The following SLAMF1 variants were observed in gnomAD, a reference collection of about 807,000 sequenced individuals.
SLAMF1 encodes the protein signaling lymphocytic activation molecule family member 1.
Under a neutral mutation model 35.1 loss-of-function variants are expected in SLAMF1, and 18 were observed. The observed-to-expected ratio is 0.51, with a 90% CI of 0.35 to 0.76. The LOEUF is 0.76. Ranked by LOEUF, SLAMF1 falls within the 30% of genes least tolerant of loss-of-function variation. The probability of loss-of-function intolerance (pLI) is 0.01; values close to 1 mark genes in which losing one functional copy is unlikely to be tolerated. For missense variants in SLAMF1, 392 were observed against 413.0 expected, an observed-to-expected ratio of 0.95 and a Z score of 0.44; for synonymous variants, 168 against 157.2, an observed-to-expected ratio of 1.07 and a Z score of -0.51.
intron 3 of SLAMF1, among the ~76,000 whole-genome samples, chr1:160,633,020 C>T (rs573286354): frequency 6.6e-6 from 1 of 152,236 alleles, no homozygotes; most frequent in African/African-American, 2.4e-5. Context: ...CATAGTAAAC[C>T]ATGATGACCC....
chr1:160,630,643 C>G (rs1350847268), intron 3 of SLAMF1, among the ~76,000 whole-genome samples: 4 of 152,072 alleles, frequency 2.6e-5, no homozygotes, highest in African/African-American at 9.7e-5. Flanking sequence ...TGGCTCGGGT[C>G]CCATCATTTT....
chr1:160,626,188 G>A (rs1415481055), intron 3 of SLAMF1, among the ~76,000 whole-genome samples: 2 of 151,988 alleles, frequency 1.3e-5, no homozygotes, highest in African/African-American at 4.8e-5. Flanking sequence ...AAAACCAACA[G>A]ACAAAGTAGT....
rs182288167 is a variant in SLAMF1 at position 160,617,981 on chromosome 1, G to A, written c.864+1795C>T. 6.6e-3 allele frequency among the ~76,000 whole-genome samples: 1,001 copies of A among 152,224 alleles called. 8 individuals are homozygous for A. Among genetic ancestry groups the A allele is most frequent in the Non-Finnish European group, 6.7e-3 (457 of 68,018 alleles). ...TCAGCTACTTGGAAGGCTGAGGCAG[G>A]AGAATCACTTGAACCCAGGAGGCGG... is the stretch of plus-strand genomic sequence containing the variant. On this transcript the variant is annotated intron_variant, in intron 5 of 6. Coordinates refer to ENST00000302035, the MANE Select transcript of SLAMF1 (RefSeq NM_003037.5).
intron 6 of SLAMF1, among the ~76,000 whole-genome samples, chr1:160,611,485 C>A (rs987985803): frequency 6.6e-6 from 1 of 152,140 alleles, no homozygotes; most frequent in Admixed American, 6.5e-5. Context: ...AGGGCACCTG[C>A]CCAGGCATTT....
chr1:160,623,399 A>G, intron 4 of SLAMF1: 1 of 396,350 alleles, frequency 2.5e-6, no homozygotes, highest in Non-Finnish European at 4.5e-6. Context: ...CAGAGTGCTG[A>G]GGTAAGGGCT....
In SLAMF1 at chr1:160,634,634, C is replaced by T. The variant is rs772674335; in HGVS notation, c.679G>A (p.Gly227Arg). The change falls in exon 3 of 7, where the codon GGA becomes AGA. Residue 227 changes from glycine (G) to arginine (R), a missense_variant. Gly to Arg is a moderately radical substitution (Grantham distance 125, BLOSUM62 -2). Coordinates refer to ENST00000302035, the MANE Select transcript of SLAMF1 (RefSeq NM_003037.5). The part of the protein sequence containing the change: ...NNSQTFSPWP[G>R]CRTDPSETKP... Reference sequence around the variant, plus strand: ...TCACCTGAGGGGTCTGTCCTGCATCCGGGCCACGGGCTGAAGGTCTGGGAA... The same window carrying T: ...TCACCTGAGGGGTCTGTCCTGCATCTGGGCCACGGGCTGAAGGTCTGGGAA... The T allele has an allele frequency of 1.5e-5, 24 of 1,610,146 alleles. 1 individual carries two copies. Among genetic ancestry groups the T allele is most frequent in the Admixed American group, 3.3e-5 (2 of 59,886 alleles).
chr1:160,623,500 T>C, intron 4 of SLAMF1: 1 of 398,736 alleles, frequency 2.5e-6, no homozygotes, highest in East Asian at 3.6e-5. Context: ...GTTCTATCCT[T>C]ACCATGGGAA....
intron 1 of SLAMF1, among the ~76,000 whole-genome samples, chr1:160,646,399 A>AG (rs1247024591): frequency 1.3e-5 from 2 of 152,172 alleles, no homozygotes; most frequent in Non-Finnish European, 2.9e-5. Context: ...CACTCTAGCC[A>AG]ATGCTTTCTG....
In SLAMF1 at chr1:160,634,719, G is replaced by A. The variant is rs748121231; in HGVS notation, c.594C>T (p.Leu198=). The A allele has an allele frequency of 2.8e-5, 46 of 1,614,038 alleles. No individual in the cohort carries two copies. Among genetic ancestry groups the A allele is most frequent in the East Asian group, 4.5e-5 (2 of 44,886 alleles). ...ANSSHLLSLT[L]GPQHADNIYI... is the part of the protein sequence containing the mutation. Reference sequence around the variant, plus strand: ...AGATATTGTCAGCATGCTGGGGGCCGAGGGTGAGGGACAGGAGGTGGGAGC... The same window carrying A: ...AGATATTGTCAGCATGCTGGGGGCCAAGGGTGAGGGACAGGAGGTGGGAGC... The change falls in exon 3 of 7, where the codon CTC becomes CTT. Residue 198 remains leucine (L), a synonymous_variant. Coordinates refer to ENST00000302035, the MANE Select transcript of SLAMF1 (RefSeq NM_003037.5).
intron 3 of SLAMF1, among the ~76,000 whole-genome samples, chr1:160,624,938 G>A (rs1659801999): frequency 6.6e-6 from 1 of 152,158 alleles, no homozygotes. Context: ...AGATTATAAT[G>A]AACAATTATT....
chr1:160,610,030 G>C lies in SLAMF1; in HGVS notation c.*718C>G. 1 of 200,900 alleles carries C rather than the reference G, an allele frequency of 5.0e-6. No homozygotes were observed. The highest frequency in any genetic ancestry group is 1.0e-5 in the Non-Finnish European group (1 of 96,298). 12.4% of individuals were successfully genotyped at this position (200,900 alleles called of 1,614,324 possible). ...GCTACGTTTTTCTTTAAAACTGAAT[G>C]CCATTTGCACAGAACTGTACTTTTA... On this transcript the variant is annotated 3_prime_UTR_variant, in exon 7 of 7. Coordinates refer to ENST00000302035, the MANE Select transcript of SLAMF1 (RefSeq NM_003037.5).
intron 1 of SLAMF1, among the ~76,000 whole-genome samples, chr1:160,639,814 AG>A (rs1660647306): frequency 6.6e-6 from 1 of 152,182 alleles, no homozygotes; most frequent in Non-Finnish European, 1.5e-5. Context: ...CTGCATGCCC[AG>A]TCCGTGGCAC....
chr1:160,627,869 C>A (rs544840627), intron 3 of SLAMF1, among the ~76,000 whole-genome samples: 1 of 152,124 alleles, frequency 6.6e-6, no homozygotes, highest in Non-Finnish European at 1.5e-5. Context: ...GTAATAATCC[C>A]CATGTGTCAA....
chr1:160,613,630 A>G (rs1659124481), intron 5 of SLAMF1, among the ~76,000 whole-genome samples: 1 of 152,196 alleles, frequency 6.6e-6, no homozygotes, highest in South Asian at 2.1e-4. Flanking sequence ...GCCACACCAC[A>G]TGTGTTTTAA....
In SLAMF1 at chr1:160,619,772, T is replaced by TTAC; in HGVS notation, c.864+1_864+3dup. On this transcript the variant is annotated splice_donor_region_variant and intron_variant, in intron 5 of 6. Coordinates refer to ENST00000302035, the MANE Select transcript of SLAMF1 (RefSeq NM_003037.5). Reference sequence around the variant, plus strand: ...GTTCATCTCAAACAAAATATAGAACTTACACCTGGTTTCTGGACTTGGGCA... The same window carrying TTAC: ...GTTCATCTCAAACAAAATATAGAACTTACTACACCTGGTTTCTGGACTTGGGCA... 1 of 1,586,218 alleles carries TTAC rather than the reference T, an allele frequency of 6.3e-7. No individual in the cohort carries two copies. Among genetic ancestry groups the TTAC allele is most frequent in the Non-Finnish European group, 8.7e-7 (1 of 1,154,544 alleles).
chr1:160,616,061 CAT>C (rs888476356), intron 5 of SLAMF1, among the ~76,000 whole-genome samples: 2 of 152,190 alleles, frequency 1.3e-5, no homozygotes, highest in African/African-American at 4.8e-5. Context: ...AGGAAACTAA[CAT>C]ATACCCCAAC....
chr1:160,623,426 G>A, intron 4 of SLAMF1: 1 of 397,668 alleles, frequency 2.5e-6, no homozygotes, highest in Admixed American at 4.4e-5. Flanking sequence ...AGAAGGTTGT[G>A]TGTAGATGAC....
chr1:160,611,225 G>C (rs1293395558), intron 6 of SLAMF1, among the ~76,000 whole-genome samples: 1 of 152,196 alleles, frequency 6.6e-6, no homozygotes, highest in Non-Finnish European at 1.5e-5. Flanking sequence ...ATTGGCAGGA[G>C]AGAGGAAGGG....
chr1:160,624,992 C>T (rs1269186196), intron 3 of SLAMF1, among the ~76,000 whole-genome samples: 1 of 152,154 alleles, frequency 6.6e-6, no homozygotes, highest in African/African-American at 2.4e-5. Context: ...ATCATGTGTA[C>T]TAACATATTT....
Sources: gnomAD v4.1 joint callset for allele counts (sites outside exome capture counted in the v4.1 genomes callset) on GRCh38, gnomAD v4.1.1 for gene constraint, MANE v1.5 for transcripts, NCBI Gene and HGNC (gene_info 2026-07-23, HGNC 2026-07-21) for gene names.